FAF1: variants seen among roughly 807,000 people sequenced by gnomAD.
FAF1 encodes the protein FAS-associated factor 1.
Under a neutral mutation model 92.5 loss-of-function variants are expected in FAF1, and 25 were observed. The observed-to-expected ratio is 0.27, with a 90% CI of 0.20 to 0.38. The LOEUF is 0.38. FAF1 is among the 10% of genes least tolerant of loss of function. The probability of loss-of-function intolerance (pLI) is 1.00; values close to 1 mark genes in which losing one functional copy is unlikely to be tolerated. For synonymous variants in FAF1, 234 were observed against 273.2 expected, an observed-to-expected ratio of 0.86 and a Z score of 1.42; for missense variants, 636 against 793.3, an observed-to-expected ratio of 0.80 and a Z score of 2.38.
chr1:50,773,221 G>A (rs61782361), intron 4 of FAF1, among the ~76,000 whole-genome samples: 6,471 of 152,274 alleles, frequency 0.042, 206 homozygotes, highest in Non-Finnish European at 0.061. Flanking sequence ...CTTCAGTGGG[G>A]CATGACTGCA....
At chr1:50,643,957 C>T (rs1448305835) in intron 8 of FAF1, among the ~76,000 whole-genome samples, 1 of 152,162 alleles carries the variant, frequency 6.6e-6, no homozygotes, top group Non-Finnish European at 1.5e-5. Context: ...TATGTTTTCA[C>T]TTAAGTCCTT....
intron 15 of FAF1, among the ~76,000 whole-genome samples, chr1:50,527,811 G>GTCTCTC (rs9326017): frequency 0.035 from 2,655 of 75,546 alleles, 371 homozygotes; most frequent in Non-Finnish European, 0.048. Flanking sequence ...TTACTCTGCT[G>GTCTCTC]TCTCTCTCTC....
At chr1:50,700,224 CAG>C (rs1304368866) in intron 7 of FAF1, among the ~76,000 whole-genome samples, 14 of 127,548 alleles carry the variant, frequency 1.1e-4, no homozygotes, top group African/African-American at 4.8e-4. Context: ...CGAGGAGGCT[CAG>C]AGCTTTGAAA....
chr1:50,464,778 C>T (rs1646474393), intron 18 of FAF1, among the ~76,000 whole-genome samples: 1 of 152,132 alleles, frequency 6.6e-6, no homozygotes, highest in Non-Finnish European at 1.5e-5. Context: ...ATGACATTAT[C>T]CTCACTTGAA....
chr1:50,627,462 C>T (rs562668166), intron 8 of FAF1, among the ~76,000 whole-genome samples: 6 of 151,758 alleles, frequency 4.0e-5, no homozygotes, highest in South Asian at 2.1e-4. Flanking sequence ...AACAGATAAA[C>T]GGGTGAAATA....
chr1:50,943,996 T>A (rs1206835091), intron 1 of FAF1, among the ~76,000 whole-genome samples: 1 of 152,208 alleles, frequency 6.6e-6, no homozygotes, highest in African/African-American at 2.4e-5. Flanking sequence ...GAACAGTGAG[T>A]CTAGTCCTTG....
chr1:50,925,291 A>T (rs1644996291), intron 1 of FAF1, among the ~76,000 whole-genome samples: 1 of 152,200 alleles, frequency 6.6e-6, no homozygotes, highest in Admixed American at 6.5e-5. Context: ...GGACAAAAAC[A>T]CAGACAACAA....
intron 3 of FAF1, among the ~76,000 whole-genome samples, chr1:50,793,462 GATCA>G (rs1233369505): frequency 1.3e-5 from 2 of 152,164 alleles, no homozygotes; most frequent in Non-Finnish European, 2.9e-5. Flanking sequence ...CAGTAAATTT[GATCA>G]GTCAGTCAGT....
chr1:50,827,650 A>G (rs968143709), intron 2 of FAF1, among the ~76,000 whole-genome samples: 2 of 152,146 alleles, frequency 1.3e-5, no homozygotes, highest in Non-Finnish European at 2.9e-5. Flanking sequence ...AAATAAATAA[A>G]TAAATAAATA....
intron 2 of FAF1, among the ~76,000 whole-genome samples, chr1:50,821,427 A>G (rs1414678647): frequency 1.3e-5 from 2 of 152,308 alleles, no homozygotes; most frequent in South Asian, 4.1e-4. Flanking sequence ...AAAGGAACAT[A>G]AAAAAACTTT....
At chr1:50,672,377 GATTT>G (rs1333703296) in intron 7 of FAF1, among the ~76,000 whole-genome samples, 1 of 152,018 alleles carries the variant, frequency 6.6e-6, no homozygotes, top group Non-Finnish European at 1.5e-5. Context: ...TTTTGAGATG[GATTT>G]ATTAACATTT....
intron 4 of FAF1, among the ~76,000 whole-genome samples, chr1:50,780,103 TCA>T (rs1661115408): frequency 1.3e-5 from 2 of 152,000 alleles, no homozygotes; most frequent in South Asian, 2.1e-4. Flanking sequence ...TCCTTTCCTA[TCA>T]GTAATTGCTT....
At chr1:50,922,516 A>G (rs1046366970) in intron 1 of FAF1, among the ~76,000 whole-genome samples, 2 of 150,470 alleles carry the variant, frequency 1.3e-5, no homozygotes, top group South Asian at 2.1e-4. Flanking sequence ...GAAGAGAAGA[A>G]AAGAAAACCA....
Position 50,540,067 on chromosome 1 carries a change from G to C in FAF1, c.1269-339C>G, listed in dbSNP as rs572040353. Among the ~76,000 whole-genome samples, 4 of 152,086 alleles carry C rather than the reference G, an allele frequency of 2.6e-5. No homozygotes were observed. In the East Asian group the frequency reaches 7.8e-4, roughly 29 times the overall value. ...GCTCACTGAAACCCCCGCCTCCCGGGTTCAAGCAATTTTCTGCCTCAGCCT... is the reference window on the plus strand; with the variant it reads ...GCTCACTGAAACCCCCGCCTCCCGGCTTCAAGCAATTTTCTGCCTCAGCCT... On this transcript the variant is annotated intron_variant, in intron 13 of 18. Coordinates refer to ENST00000396153, the MANE Select transcript of FAF1 (RefSeq NM_007051.3).
chr1:50,829,908 T>G (rs772447929), intron 2 of FAF1, among the ~76,000 whole-genome samples: 4 of 152,204 alleles, frequency 2.6e-5, no homozygotes, highest in Non-Finnish European at 4.4e-5. Flanking sequence ...AATTGTGAGG[T>G]TACAAAAGAA....
intron 2 of FAF1, among the ~76,000 whole-genome samples, chr1:50,822,725 G>A (rs1199843067): frequency 6.6e-6 from 1 of 151,434 alleles, no homozygotes; most frequent in African/African-American, 2.4e-5. Context: ...ATGTCTAAAG[G>A]CTAGTAGTTT....
At chr1:50,540,561 GAT>G (rs1189067745) in intron 13 of FAF1, among the ~76,000 whole-genome samples, 1 of 152,100 alleles carries the variant, frequency 6.6e-6, no homozygotes, top group Non-Finnish European at 1.5e-5. Context: ...AAAGCTCTGA[GAT>G]ATTAGCATAC....
At chr1:50,470,426 A>T (rs1381663205) in intron 18 of FAF1, among the ~76,000 whole-genome samples, 1 of 152,214 alleles carries the variant, frequency 6.6e-6, no homozygotes, top group Non-Finnish European at 1.5e-5. Flanking sequence ...GTAAAGTGGC[A>T]GCATTGGCCT....
At chr1:50,819,260 T>C (rs1408687048) in intron 2 of FAF1, among the ~76,000 whole-genome samples, 1 of 151,546 alleles carries the variant, frequency 6.6e-6, no homozygotes, top group African/African-American at 2.4e-5. Context: ...GGAGGGGGGA[T>C]TGGCCACATG....
Sources: allele counts gnomAD v4.1 joint callset (sites outside exome capture counted in the v4.1 genomes callset), GRCh38; gene constraint gnomAD v4.1.1; transcripts MANE v1.5; gene names NCBI Gene and HGNC (gene_info 2026-07-23, HGNC 2026-07-21).